Variants in LOC728743 observed in about 807,000 individuals in gnomAD.
the LOC728743 span, among the ~76,000 whole-genome samples, chr7:150,403,142 C>G: frequency 1.3e-5 from 2 of 152,014 alleles, no homozygotes. This position sits in a 1 kb window ranked among gnomAD's most constrained non-coding sequence, Gnocchi z 5.1. Context: ...GGCACTCTAT[C>G]GTGCTTGCCG....
the LOC728743 span, chr7:150,408,518 T>G: frequency 1.9e-5 from 5 of 258,562 alleles, no homozygotes; most frequent in East Asian, 7.1e-5. Flanking sequence ...CCAGAGCCCC[T>G]CTCAGGGCTG....
chr7:150,404,130 GGAGA>G, the LOC728743 span, among the ~76,000 whole-genome samples: 1 of 152,226 alleles, frequency 6.6e-6, no homozygotes. Flanking sequence ...CCTGGGCCTT[GGAGA>G]GAGAGTCGCG....
the LOC728743 span, chr7:150,405,309 C>G: frequency 6.6e-6 from 1 of 152,276 alleles, no homozygotes; most frequent in Admixed American, 6.5e-5. Context: ...GCTCGGGAGG[C>G]GGCGCCATGT....
At chr7:150,402,593 A>G in the LOC728743 span, among the ~76,000 whole-genome samples, 1 of 152,212 alleles carries the variant, frequency 6.6e-6, no homozygotes, top group African/African-American at 2.4e-5. Context: ...GAAGTTCATA[A>G]CCTGGTGGGG....
the LOC728743 span, among the ~76,000 whole-genome samples, chr7:150,406,706 T>A: frequency 6.6e-6 from 1 of 152,106 alleles, no homozygotes; most frequent in Non-Finnish European, 1.5e-5. Flanking sequence ...AAGAGGATCC[T>A]TTGGAGAAGC....
chr7:150,401,621 A>T, the LOC728743 span, among the ~76,000 whole-genome samples: 3 of 152,208 alleles, frequency 2.0e-5, no homozygotes, highest in African/African-American at 7.2e-5. Context: ...GACTCCCTTA[A>T]GTTATCCCTT....
the LOC728743 span, chr7:150,408,294 C>G: frequency 2.7e-6 from 1 of 366,510 alleles, no homozygotes; most frequent in East Asian, 4.0e-5. Flanking sequence ...GGAGATGGCC[C>G]TGGGCCGCAG....
At chr7:150,409,236 T>C in the LOC728743 span, among the ~76,000 whole-genome samples, 23 of 144,398 alleles carry the variant, frequency 1.6e-4, no homozygotes, top group East Asian at 4.5e-3. Context: ...GTGGGGACAC[T>C]GAGATTTTTA....
chr7:150,408,970 C>T, the LOC728743 span, among the ~76,000 whole-genome samples: 1 of 152,210 alleles, frequency 6.6e-6, no homozygotes, highest in Non-Finnish European at 1.5e-5. Flanking sequence ...ACACGGGGTG[C>T]TCACACTCGG....
the LOC728743 span, among the ~76,000 whole-genome samples, chr7:150,406,421 G>T: frequency 1.3e-5 from 2 of 152,150 alleles, no homozygotes; most frequent in African/African-American, 2.4e-5. Context: ...GCTCTGTGAC[G>T]GCTGGGATGG....
chr7:150,408,745 T>C, the LOC728743 span, among the ~76,000 whole-genome samples: 1 of 152,254 alleles, frequency 6.6e-6, no homozygotes, highest in Non-Finnish European at 1.5e-5. Flanking sequence ...TCTGCTGTCC[T>C]TGAGATGTCA....
the LOC728743 span, among the ~76,000 whole-genome samples, chr7:150,401,340 A>AG: frequency 6.6e-6 from 1 of 152,256 alleles, no homozygotes; most frequent in South Asian, 2.1e-4. Flanking sequence ...TGCCTGACGG[A>AG]GGGTAGACTG....
chr7:150,404,745 GC>G, the LOC728743 span: 1 of 152,402 alleles, frequency 6.6e-6, no homozygotes, highest in Non-Finnish European at 1.5e-5. Flanking sequence ...GTCAGCAGGG[GC>G]CTGATGTCTT....
the LOC728743 span, among the ~76,000 whole-genome samples, chr7:150,403,529 G>A: frequency 1.3e-5 from 2 of 152,180 alleles, no homozygotes; most frequent in Non-Finnish European, 2.9e-5. The surrounding 1 kb of genome is among the most constrained non-coding windows in gnomAD (Gnocchi z 5.1). Flanking sequence ...GAACACTGGG[G>A]GCTCTGGCAG....
the LOC728743 span, among the ~76,000 whole-genome samples, chr7:150,403,951 T>G: frequency 0.038 from 5,782 of 151,864 alleles, 360 homozygotes; most frequent in African/African-American, 0.13. This position sits in a 1 kb window ranked among gnomAD's most constrained non-coding sequence, Gnocchi z 5.1. Context: ...CAGCCTGGGG[T>G]CTCCCACCTG....
the LOC728743 span, chr7:150,405,933 G>A: frequency 2.0e-5 from 3 of 152,684 alleles, no homozygotes; most frequent in Non-Finnish European, 4.4e-5. Flanking sequence ...GAAAGAACTT[G>A]GGGGAGAGAC....
At chr7:150,404,791 C>T in the LOC728743 span, 1 of 152,352 alleles carries the variant, frequency 6.6e-6, no homozygotes, top group African/African-American at 2.4e-5. Flanking sequence ...GTGATATAAC[C>T]CAGGCCATAT....
chr7:150,407,988 G>T, the LOC728743 span: 6 of 399,982 alleles, frequency 1.5e-5, no homozygotes, highest in Non-Finnish European at 2.7e-5. Context: ...CCGCACCAGT[G>T]CGCGCAGTGC....
the LOC728743 span, among the ~76,000 whole-genome samples, chr7:150,402,801 G>C: frequency 6.6e-6 from 1 of 152,202 alleles, no homozygotes; most frequent in African/African-American, 2.4e-5. Context: ...GCAGGGTCTG[G>C]AGCTGCCCCG....
Sources: gnomAD v4.1 joint callset for allele counts (sites outside exome capture counted in the v4.1 genomes callset) on GRCh38, gnomAD v4.1.1 for gene constraint, Gnocchi (gnomAD v3.1) non-coding constraint, MANE v1.5 for transcripts.